The following THSD4 variants were observed in gnomAD, a reference collection of about 807,000 sequenced individuals.
The protein encoded by THSD4 is thrombospondin type 1 domain containing 4.
A neutral mutation model predicts 119.0 loss-of-function variants in THSD4; 69 were observed. The ratio of observed to expected loss-of-function variants is 0.58; its 90% confidence interval spans 0.48 to 0.71. The LOEUF is 0.71. Among genes scored for constraint, THSD4 ranks in the 30% least tolerant of loss-of-function variants. The pLI is 0.00. For synonymous variants in THSD4, 524 were observed against 540.4 expected (o/e 0.97, Z 0.42); for missense variants, 1,393 against 1,391.1 (o/e 1.00, Z -0.02).
At chr15:71,479,377 T>C (rs1362660802) in intron 7 of THSD4, among the ~76,000 whole-genome samples, 1 of 152,136 alleles carries the variant, frequency 6.6e-6, no homozygotes, top group African/African-American at 2.4e-5. Flanking sequence ...GGGTAACCTT[T>C]CTCTTTCTCT....
chr15:71,480,928 A>G (rs1278490176), intron 7 of THSD4, among the ~76,000 whole-genome samples: 2 of 152,218 alleles, frequency 1.3e-5, no homozygotes, highest in Admixed American at 6.5e-5. Flanking sequence ...CATGCAGTTT[A>G]CATACCTGAT....
Position 71,508,949 on chromosome 15 carries a change from T to TC in THSD4, c.1152+97126_1152+97127insC, listed in dbSNP as rs1345781111. On this transcript the variant is annotated intron_variant, in intron 7 of 17. Coordinates refer to ENST00000261862, the MANE Select transcript of THSD4 (RefSeq NM_024817.3). ...AATAAAAGGATGGATTTTTTTTTTT[T>TC]TTCAAAAAAGGAAGCATTTCTGAGA... is the stretch of plus-strand genomic sequence containing the variant. Among the ~76,000 whole-genome samples, 5 of 151,382 alleles carry TC rather than the reference T, an allele frequency of 3.3e-5. No individual in the cohort carries two copies. The East Asian group carries it at 5.8e-4, about 18-fold the overall frequency.
At chr15:71,614,535 A>T (rs2050289360) in intron 7 of THSD4, among the ~76,000 whole-genome samples, 1 of 152,216 alleles carries the variant, frequency 6.6e-6, no homozygotes, top group East Asian at 1.9e-4. Context: ...GAAGGAGAGA[A>T]GAGTAAATTT....
intron 7 of THSD4, among the ~76,000 whole-genome samples, chr15:71,623,432 G>A (rs907086901): frequency 3.9e-5 from 6 of 152,160 alleles, no homozygotes; most frequent in African/African-American, 9.7e-5. Flanking sequence ...AGTATTTCCC[G>A]TAAGTAAACA....
intron 8 of THSD4, among the ~76,000 whole-genome samples, chr15:71,688,597 G>T (rs1344831520): frequency 2.0e-5 from 3 of 152,062 alleles, no homozygotes; most frequent in Non-Finnish European, 4.4e-5. Flanking sequence ...TAAATCCTCT[G>T]TAATTAAAAA....
intron 7 of THSD4, among the ~76,000 whole-genome samples, chr15:71,441,551 A>G (rs2047091522): frequency 6.7e-6 from 1 of 148,300 alleles, no homozygotes; most frequent in Non-Finnish European, 1.5e-5. Flanking sequence ...GTGCGCCACC[A>G]CACCAGCTAA....
chr15:71,110,366 C>G (rs2040294417), intron 1 of THSD4: 1 of 152,128 alleles, frequency 6.6e-6, no homozygotes, highest in South Asian at 2.1e-4. Flanking sequence ...TCTCCCTCTC[C>G]CTTTGGAAAA....
At chr15:71,731,892 C>T (rs192196275) in intron 10 of THSD4, 2 of 152,446 alleles carry the variant, frequency 1.3e-5, no homozygotes, top group Non-Finnish European at 2.9e-5. Context: ...GCCCCTCTCT[C>T]TCCAGAGGCT....
intron 6 of THSD4, among the ~76,000 whole-genome samples, chr15:71,317,127 T>G (rs1056210048): frequency 2.0e-5 from 3 of 152,156 alleles, no homozygotes; most frequent in Non-Finnish European, 4.4e-5. Context: ...TTTAAAATAG[T>G]CAACATACAA....
chr15:71,291,006 T>C (rs74341929), intron 6 of THSD4, among the ~76,000 whole-genome samples: 1,605 of 151,860 alleles, frequency 0.011, 26 homozygotes, highest in African/African-American at 0.037. Context: ...GAGGCAAGTG[T>C]CTTCTGGCAT....
At chr15:71,487,633 C>T (rs1415441567) in intron 7 of THSD4, among the ~76,000 whole-genome samples, 1 of 152,186 alleles carries the variant, frequency 6.6e-6, no homozygotes, top group Non-Finnish European at 1.5e-5. Flanking sequence ...ATTTGTCTAG[C>T]TCCAAAGTAA....
intron 2 of THSD4, among the ~76,000 whole-genome samples, chr15:71,145,587 G>A (rs372233493): frequency 1.3e-5 from 2 of 152,180 alleles, no homozygotes; most frequent in African/African-American, 2.4e-5. Flanking sequence ...AAAGAGAAAG[G>A]TGGCTGTTCT....
chr15:71,740,210 T>C lies in THSD4; in HGVS notation c.1906+2203T>C, dbSNP rs556482643. ...TTTGTGAGGAAAAATTAAATGCATA[T>C]AAAATATGTCTTGACAGAGTCAGAA... is the stretch of plus-strand genomic sequence containing the variant. On this transcript the variant is annotated intron_variant, in intron 11 of 17. Coordinates refer to ENST00000261862, the MANE Select transcript of THSD4 (RefSeq NM_024817.3). Among the ~76,000 whole-genome samples, 27 of 152,316 alleles carry C rather than the reference T, an allele frequency of 1.8e-4. No homozygotes were observed. In the South Asian group the frequency reaches 5.4e-3, roughly 30 times the overall value.
At chr15:71,645,733 G>A (rs1019238783) in intron 7 of THSD4, among the ~76,000 whole-genome samples, 19 of 152,214 alleles carry the variant, frequency 1.2e-4, no homozygotes, top group African/African-American at 4.6e-4. Context: ...AAAACAAAAT[G>A]TTTGGGAGAG....
At chr15:71,200,222 T>TCA (rs2043791424) in intron 3 of THSD4, among the ~76,000 whole-genome samples, 1 of 152,064 alleles carries the variant, frequency 6.6e-6, no homozygotes, top group Non-Finnish European at 1.5e-5. Flanking sequence ...GTTCACCGAG[T>TCA]CATTGTTGGT....
chr15:71,393,924 G>A (rs1353235090), intron 6 of THSD4, among the ~76,000 whole-genome samples: 1 of 152,078 alleles, frequency 6.6e-6, no homozygotes, highest in Non-Finnish European at 1.5e-5. Context: ...TCACTAAGAT[G>A]GAATGATATG....
Position 71,782,481 on chromosome 15 carries a change from CTCTA to C in THSD4, c.*5111_*5114del, listed in dbSNP as rs2054013506. The C allele has an allele frequency of 6.6e-6, 1 of 152,156 alleles. No individual in the cohort carries two copies. The highest frequency in any genetic ancestry group is 1.5e-5 in the Non-Finnish European group (1 of 68,032). The allele number at this position is 152,156 out of a possible 1,614,324, so 9.4% of individuals were successfully genotyped here. On this transcript the variant is annotated 3_prime_UTR_variant, in exon 18 of 18. Transcript: ENST00000261862. Reference sequence around the variant, plus strand: ...GTTTATAGGAAATATGTATTCTGAACTCTATCTGCAGAATGAGTCACTACACCAA... The same window carrying C: ...GTTTATAGGAAATATGTATTCTGAACTCTGCAGAATGAGTCACTACACCAA...
chr15:71,483,576 TTATTA>T (rs1332629196), intron 7 of THSD4, among the ~76,000 whole-genome samples: 1 of 151,976 alleles, frequency 6.6e-6, no homozygotes, highest in African/African-American at 2.4e-5. Flanking sequence ...AATTTATTAT[TTATTA>T]TTTTATTTTA....
intron 4 of THSD4, among the ~76,000 whole-genome samples, chr15:71,217,350 G>A (rs142861764): frequency 5.9e-4 from 89 of 152,126 alleles, no homozygotes; most frequent in African/African-American, 2.0e-3. Flanking sequence ...AGGTGCGTTG[G>A]CTCACTCCTG....
Sources: gnomAD v4.1 joint callset for allele counts (sites outside exome capture counted in the v4.1 genomes callset) on GRCh38, gnomAD v4.1.1 for gene constraint, MANE v1.5 for transcripts, NCBI Gene and HGNC (gene_info 2026-07-23, HGNC 2026-07-21) for gene names.